The following OVOL2 variants were observed in gnomAD, a reference collection of about 807,000 sequenced individuals.
OVOL2 encodes the protein ovo like zinc finger 2.
A neutral mutation model predicts 18.1 loss-of-function variants in OVOL2; 13 were observed. The ratio of observed to expected loss-of-function variants is 0.72; its 90% CI spans 0.47 to 1.14. The LOEUF (loss-of-function observed/expected upper bound fraction) is 1.14. Among genes scored for constraint, OVOL2 ranks in the 50% most tolerant of loss-of-function variants. The pLI, the probability that OVOL2 is intolerant of heterozygous loss-of-function variation, is 0.00. For missense variants in OVOL2, 335 were observed against 383.0 expected (o/e 0.87, Z 1.05); for synonymous variants, 166 against 162.7 (o/e 1.02, Z -0.16).
At chr20:18,042,159 C>T (rs192960557) in intron 2 of OVOL2, among the ~76,000 whole-genome samples, 165 of 152,068 alleles carry the variant, frequency 1.1e-3, no homozygotes, top group Middle Eastern at 3.4e-3. Flanking sequence ...GTGATCCATC[C>T]GCCTCAGCCT....
chr20:18,038,916 C>A (rs2036644379), intron 3 of OVOL2, among the ~76,000 whole-genome samples: 1 of 152,076 alleles, frequency 6.6e-6, no homozygotes, highest in Non-Finnish European at 1.5e-5. Flanking sequence ...TTATAAGACC[C>A]CCTACTGCCC....
intron 3 of OVOL2, among the ~76,000 whole-genome samples, chr20:18,036,911 C>T (rs1011226317): frequency 5.9e-5 from 9 of 151,928 alleles, no homozygotes; most frequent in South Asian, 4.1e-4. Flanking sequence ...CCGAGGCGGG[C>T]GGATCACGAG....
intron 3 of OVOL2, among the ~76,000 whole-genome samples, chr20:18,028,299 C>T (rs1260481066): frequency 1.3e-5 from 2 of 151,948 alleles, no homozygotes. Context: ...GCCTCAGCCT[C>T]CCAAGTAGCT....
At chr20:18,051,717 C>A (rs990981696) in intron 2 of OVOL2, among the ~76,000 whole-genome samples, 1 of 152,116 alleles carries the variant, frequency 6.6e-6, no homozygotes, top group Non-Finnish European at 1.5e-5. Flanking sequence ...TTTGAAATGT[C>A]GCTAGTAGGA....
At position 18,034,282 on chromosome 20, in the gene OVOL2, C is replaced by T. The variant is rs145724567; in HGVS notation, c.511+7252G>A. 8.3e-3 allele frequency among the ~76,000 whole-genome samples: 1,268 copies of T among 152,268 alleles called. 2 individuals are homozygous for T. The highest frequency in any genetic ancestry group is 0.013 in the Non-Finnish European group (900 of 68,026). Reference sequence around the variant, plus strand: ...CAGGGCAGACACAGCCCTCAGCCAACGTCAGACTGAAATGGGGGTAAAAAA... The same window carrying T: ...CAGGGCAGACACAGCCCTCAGCCAATGTCAGACTGAAATGGGGGTAAAAAA... On this transcript the variant is annotated intron_variant, in intron 3 of 3. Transcript: ENST00000278780.
At chr20:18,031,880 C>T (rs2036573511) in intron 3 of OVOL2, among the ~76,000 whole-genome samples, 1 of 152,176 alleles carries the variant, frequency 6.6e-6, no homozygotes, top group East Asian at 1.9e-4. Flanking sequence ...AAGCTTCGTG[C>T]CATACATCCT....
At chr20:18,039,607 C>CAAAAAAAAAAAAAAAAAAAAA (rs111619803) in intron 3 of OVOL2, among the ~76,000 whole-genome samples, 6 of 87,026 alleles carry the variant, frequency 6.9e-5, no homozygotes, top group African/African-American at 2.4e-4. Context: ...GACGCTGTCT[C>CAAAAAAAAAAAAAAAAAAAAA]AAAAAAAAAA....
Position 18,056,599 on chromosome 20 carries a change from G to T in OVOL2, c.321+58C>A, listed in dbSNP as rs1210302696. The stretch of plus-strand genomic sequence containing the variant: ...CGCGGCAGGGAGGGGCGCCGGCCTC[G>T]GGAGCCCGACGCCAGGGCGTGGTGC... On this transcript the variant is annotated intron_variant, in intron 2 of 3. Transcript: ENST00000278780. This position sits in a 1 kb window ranked among gnomAD's most constrained non-coding sequence, Gnocchi z 4.2. 3.3e-5 allele frequency: 44 copies of T among 1,314,484 alleles called. No individual in the cohort carries two copies. The highest frequency in any genetic ancestry group is 4.2e-5 in the Non-Finnish European group (43 of 1,029,764). The allele number at this position is 1,314,484 out of a possible 1,614,324, so 81.4% of individuals were successfully genotyped here. A position where few individuals can be genotyped will look rare whatever the true frequency, so the allele number is the denominator to read the frequency against.
At position 18,056,953 on chromosome 20, in the gene OVOL2, G is replaced by T. The variant is rs911057910; in HGVS notation, c.101-76C>A. ...ACGCCCGCGGCAGTTTGACCTGCGG[G>T]CGGTGCTGCCGCCGCCCCGCCCCGG... On this transcript the variant is annotated intron_variant, in intron 1 of 3. Transcript: ENST00000278780. The surrounding 1 kb of genome is among the most constrained non-coding windows in gnomAD (Gnocchi z 4.2). 7.2e-7 allele frequency: 1 copy of T among 1,386,060 alleles called. No individual in the cohort carries two copies. 85.9% of individuals were successfully genotyped at this position (1,386,060 alleles called of 1,614,324 possible).
intron 3 of OVOL2, among the ~76,000 whole-genome samples, chr20:18,025,165 C>A (rs886709780): frequency 6.6e-6 from 1 of 152,294 alleles, no homozygotes; most frequent in East Asian, 1.9e-4. Flanking sequence ...AACAAACAAA[C>A]AAACAAACAA....
At chr20:18,028,367 G>A (rs2036538626) in intron 3 of OVOL2, among the ~76,000 whole-genome samples, 1 of 151,634 alleles carries the variant, frequency 6.6e-6, no homozygotes, top group Non-Finnish European at 1.5e-5. Flanking sequence ...AGTAGAGAAG[G>A]GGTTTCACTG....
intron 3 of OVOL2, among the ~76,000 whole-genome samples, chr20:18,030,287 C>T (rs2036556621): frequency 6.6e-6 from 1 of 152,250 alleles, no homozygotes; most frequent in Non-Finnish European, 1.5e-5. Flanking sequence ...AACCCGATTT[C>T]CAACCTTCAG....
In OVOL2 at chr20:18,057,594, A is replaced by G. The variant is rs763451864; in HGVS notation, c.41T>C (p.Val14Ala). The change falls in exon 1 of 4, where the codon GTC becomes GCC. Residue 14 changes from valine (V) to alanine (A), a missense_variant. Val to Ala is a moderately conservative substitution (Grantham distance 64). Coordinates refer to ENST00000278780, the MANE Select transcript of OVOL2 (RefSeq NM_021220.4). This position sits in a 1 kb window ranked among gnomAD's most constrained non-coding sequence, Gnocchi z 6.3. Reference sequence around the variant, plus strand: ...GAGCTCATCCCAGCTGCGGACCGAGACCCCCAGGCTCCTCCTCTTCACCAG... The same window carrying G: ...GAGCTCATCCCAGCTGCGGACCGAGGCCCCCAGGCTCCTCCTCTTCACCAG... Reference protein sequence around the residue: ...VFLVKRRSLGVSVRSWDELPD... With the variant: ...VFLVKRRSLGASVRSWDELPD... 1.4e-5 allele frequency: 23 copies of G among 1,596,324 alleles called. No individual in the cohort carries two copies. In the South Asian group the frequency reaches 2.5e-4, roughly 17 times the overall value.
At chr20:18,040,474 T>G (rs2036658430) in intron 3 of OVOL2, among the ~76,000 whole-genome samples, 2 of 152,054 alleles carry the variant, frequency 1.3e-5, no homozygotes, top group Non-Finnish European at 2.9e-5. Flanking sequence ...AGATGAGAGA[T>G]GAGGAGTCTG....
intron 3 of OVOL2, among the ~76,000 whole-genome samples, chr20:18,031,734 AG>A (rs1256360126): frequency 1.3e-5 from 2 of 152,174 alleles, no homozygotes; most frequent in Non-Finnish European, 2.9e-5. Flanking sequence ...GGTGGAGGAG[AG>A]GGGGGACTGC....
chr20:18,043,551 C>G (rs897907401), intron 2 of OVOL2, among the ~76,000 whole-genome samples: 2 of 152,164 alleles, frequency 1.3e-5, no homozygotes, highest in African/African-American at 2.4e-5. Flanking sequence ...CAACTCAGGG[C>G]TGCCACCAGC....
chr20:18,044,362 G>A (rs371736302), intron 2 of OVOL2, among the ~76,000 whole-genome samples: 3 of 152,208 alleles, frequency 2.0e-5, no homozygotes, highest in South Asian at 2.1e-4. Flanking sequence ...GCAAGCATTC[G>A]GTCCCATTCC....
chr20:18,049,882 A>T (rs1224077586), intron 2 of OVOL2, among the ~76,000 whole-genome samples: 1 of 152,144 alleles, frequency 6.6e-6, no homozygotes, highest in African/African-American at 2.4e-5. Context: ...GACTATCAAC[A>T]CTAAGGGCTA....
At position 18,045,143 on chromosome 20, in the gene OVOL2, C is replaced by A. The variant is rs1006160608; in HGVS notation, c.322-3420G>T. Among the ~76,000 whole-genome samples, 3 of 152,324 alleles carry A rather than the reference C, an allele frequency of 2.0e-5. No homozygotes were observed. The East Asian group carries it at 5.8e-4, about 29-fold the overall frequency. ...CTACCCAAGGCTTTCCTATCACCCACGCAGTTCATGTTCTCCTTGCCCGGC... is the reference window on the plus strand; with the variant it reads ...CTACCCAAGGCTTTCCTATCACCCAAGCAGTTCATGTTCTCCTTGCCCGGC... On this transcript the variant is annotated intron_variant, in intron 2 of 3. Coordinates refer to ENST00000278780, the MANE Select transcript of OVOL2 (RefSeq NM_021220.4).
Sources: gnomAD v4.1 joint callset for allele counts (sites outside exome capture counted in the v4.1 genomes callset) on GRCh38, gnomAD v4.1.1 for gene constraint, Gnocchi (gnomAD v3.1) non-coding constraint, MANE v1.5 for transcripts, NCBI Gene and HGNC (gene_info 2026-07-23, HGNC 2026-07-21) for gene names.